SCARB2: variants seen among roughly 807,000 people sequenced by gnomAD.
SCARB2 encodes lysosome membrane protein 2.
Under a neutral mutation model 58.6 loss-of-function variants are expected in SCARB2, and 29 were observed. The ratio of observed to expected loss-of-function variants is 0.49; its 90% CI spans 0.37 to 0.67. The LOEUF (loss-of-function observed/expected upper bound fraction) is 0.67. SCARB2 is among the 30% of genes least tolerant of loss of function. The pLI is 0.00. For missense variants in SCARB2, 488 were observed against 578.5 expected (o/e 0.84, Z 1.60); for synonymous variants, 195 against 210.1 (o/e 0.93, Z 0.62).
intron 6 of SCARB2, 64 bp from the exon 7 acceptor site, chr4:76,174,377 G>T (rs538835629): frequency 1.4e-6 from 2 of 1,474,352 alleles, no homozygotes; most frequent in Non-Finnish European, 1.9e-6. Flanking sequence ...CCCGAAATCC[G>T]CAAGTTAGCA....
intron 1 of SCARB2, among the ~76,000 whole-genome samples, chr4:76,222,862 C>T (rs1045884693): frequency 2.6e-5 from 4 of 152,146 alleles, no homozygotes; most frequent in African/African-American, 9.7e-5. Flanking sequence ...CCCAGCTGAG[C>T]GCCTAGTTTA....
At chr4:76,175,975 G>C (rs1732244194) in intron 5 of SCARB2, 65 bp from the exon 6 acceptor site, 3 of 1,590,382 alleles carry the variant, frequency 1.9e-6, no homozygotes, top group Non-Finnish European at 1.7e-6. Context: ...CTCTTAAATG[G>C]TCAGGACTTT....
chr4:76,231,553 C>T (rs4859434), intron 1 of SCARB2, among the ~76,000 whole-genome samples: 31,722 of 152,108 alleles, frequency 0.21, 3,506 homozygotes, highest in East Asian at 0.36. Flanking sequence ...CAAATCATGA[C>T]AGGACTGAGT....
rs149882113 is a variant in SCARB2, at chr4:76,165,433, T to G, written c.1239+817A>C. ...ACATCTGAACTGCACCTGCCTCTGA[T>G]AGAGAGGGACTTATCAGTAATTTAC... On this transcript the variant is annotated intron_variant, in intron 10 of 11. Coordinates refer to ENST00000264896, the MANE Select transcript of SCARB2 (RefSeq NM_005506.4). 622 of 152,278 alleles carry G rather than the reference T, an allele frequency of 4.1e-3. 4 individuals carry two copies. The highest frequency in any genetic ancestry group is 0.014 in the African/African-American group (577 of 41,548). The allele number at this position is 152,278 out of a possible 1,614,324, so 9.4% of individuals were successfully genotyped here.
At chr4:76,208,428 C>T (rs1732972233) in intron 1 of SCARB2, among the ~76,000 whole-genome samples, 1 of 152,212 alleles carries the variant, frequency 6.6e-6, no homozygotes. Flanking sequence ...TAGTTTCTTC[C>T]TGTGCTGAGC....
intron 5 of SCARB2, 28 bp downstream of exon 5, chr4:76,176,409 A>T (rs1428616806): frequency 2.7e-6 from 4 of 1,502,236 alleles, no homozygotes; most frequent in Admixed American, 1.7e-5. Flanking sequence ...CTGAAAAAAT[A>T]ATTCCACTGA....
At chr4:76,208,415 C>G (rs17001654) in intron 1 of SCARB2, among the ~76,000 whole-genome samples, 24,713 of 152,204 alleles carry the variant, frequency 0.16, 2,270 homozygotes, top group Middle Eastern at 0.34. Flanking sequence ...GTTTACAGTG[C>G]TATAGTTTCT....
intron 1 of SCARB2, among the ~76,000 whole-genome samples, chr4:76,233,070 C>CTT (rs1224247187): frequency 6.6e-6 from 1 of 151,914 alleles, no homozygotes; most frequent in Admixed American, 6.6e-5. Flanking sequence ...TCCATGCTTC[C>CTT]TTATAACCTT....
intron 2 of SCARB2, among the ~76,000 whole-genome samples, chr4:76,186,323 G>T (rs1484690531): frequency 2.0e-5 from 3 of 152,198 alleles, no homozygotes; most frequent in Non-Finnish European, 2.9e-5. Flanking sequence ...TGTGGGGAGT[G>T]AGAAAGCTGT....
chr4:76,179,806 G>T, intron 3 of SCARB2, 101 bp from the exon 4 acceptor site: 2 of 936,302 alleles, frequency 2.1e-6, no homozygotes, highest in Non-Finnish European at 3.5e-6. Context: ...AAATATAAAT[G>T]TAAAGGTTGA....
intron 10 of SCARB2, chr4:76,165,425 G>A (rs1731986804): frequency 6.6e-6 from 1 of 152,074 alleles, no homozygotes; most frequent in African/African-American, 2.4e-5. Flanking sequence ...AACTGCACCT[G>A]CCTCTGATAG....
chr4:76,186,514 G>A (rs948881067), intron 2 of SCARB2, among the ~76,000 whole-genome samples: 8 of 152,040 alleles, frequency 5.3e-5, no homozygotes, highest in South Asian at 2.1e-4. Flanking sequence ...CTTTGAGTAC[G>A]CTGCCCGCTC....
At chr4:76,198,123 T>A (rs1732752528) in intron 1 of SCARB2, among the ~76,000 whole-genome samples, 1 of 152,222 alleles carries the variant, frequency 6.6e-6, no homozygotes, top group African/African-American at 2.4e-5. Context: ...TCTCTTCCTA[T>A]TACTGTCAGG....
Position 76,176,418 on chromosome 4 carries a change from G to A in SCARB2, c.704+19C>T. 2.6e-6 allele frequency: 4 copies of A among 1,544,354 alleles called. No individual in the cohort carries two copies. Among genetic ancestry groups the A allele is most frequent in the Non-Finnish European group, 3.6e-6 (4 of 1,117,870 alleles). ...TGAAAACTGAAAAAATAATTCCACT[G>A]ATAAATCATTTGACTTACGTTTTCC... On this transcript the variant is annotated intron_variant, in intron 5 of 11. Transcript: ENST00000264896.
chr4:76,161,852 G>C, intron 11 of SCARB2, 101 bp from the exon 12 acceptor site: 4 of 1,097,312 alleles, frequency 3.6e-6, no homozygotes, highest in Admixed American at 1.8e-5. Context: ...AAGGAGGAGA[G>C]ACCTATAGGA....
chr4:76,216,633 C>T (rs1733212380), upstream of SCARB2, among the ~76,000 whole-genome samples: 2 of 152,160 alleles, frequency 1.3e-5, no homozygotes, highest in Non-Finnish European at 2.9e-5. Flanking sequence ...AGTTTCTAAA[C>T]AAGGGTTTAC....
intron 2 of SCARB2, chr4:76,184,644 TG>T: frequency 4.4e-6 from 1 of 227,010 alleles, no homozygotes; most frequent in South Asian, 5.0e-5. Flanking sequence ...GAACCAGGCG[TG>T]GTGACATGTA....
chr4:76,171,091 G>C (rs1396176149), intron 7 of SCARB2, among the ~76,000 whole-genome samples: 2 of 151,878 alleles, frequency 1.3e-5, no homozygotes, highest in Non-Finnish European at 2.9e-5. Context: ...GAGCTTGTCG[G>C]CAAGTTATTT....
At chr4:76,223,019 G>C (rs545273615) in intron 1 of SCARB2, among the ~76,000 whole-genome samples, 2 of 152,272 alleles carry the variant, frequency 1.3e-5, no homozygotes, top group Non-Finnish European at 2.9e-5. Context: ...GGATGCATCA[G>C]ACTAATGATA....
Sources: allele counts gnomAD v4.1 joint callset (sites outside exome capture counted in the v4.1 genomes callset), GRCh38; gene constraint gnomAD v4.1.1; transcripts MANE v1.5; gene names NCBI Gene and HGNC (gene_info 2026-07-23, HGNC 2026-07-21).